Variants in DCBLD1 observed in about 807,000 individuals in gnomAD.
DCBLD1 encodes the protein discoidin, CUB and LCCL domain-containing protein 1.
A neutral mutation model predicts 71.5 loss-of-function variants in DCBLD1; 57 were observed. That is an observed-to-expected ratio of 0.80 (90% CI 0.64 to 0.99). DCBLD1 has a LOEUF of 0.99. Among genes scored for constraint, DCBLD1 ranks in the 50% least tolerant of loss-of-function variants. The probability of loss-of-function intolerance (pLI) is 0.00; values close to 1 mark genes in which losing one functional copy is unlikely to be tolerated. For synonymous variants in DCBLD1, 380 were observed against 363.8 expected (o/e 1.04, Z -0.51); for missense variants, 891 against 923.5 (o/e 0.96, Z 0.46).
chr6:117,535,494 G>T (rs1778853732), intron 6 of DCBLD1, among the ~76,000 whole-genome samples: 1 of 152,098 alleles, frequency 6.6e-6, no homozygotes, highest in Admixed American at 6.5e-5. Flanking sequence ...TTAACCTATA[G>T]AATTCTTTAA....
chr6:117,508,870 T>C (rs1376058358), intron 2 of DCBLD1, among the ~76,000 whole-genome samples: 1 of 152,182 alleles, frequency 6.6e-6, no homozygotes, highest in Admixed American at 6.5e-5. Context: ...CAAAGGAGGT[T>C]GTTCTGATGG....
intron 14 of DCBLD1, among the ~76,000 whole-genome samples, chr6:117,554,843 AG>A (rs1779476019): frequency 6.6e-6 from 1 of 151,522 alleles, no homozygotes. Context: ...CAGTGAGCCG[AG>A]ATCGAGTCAC....
chr6:117,490,204 T>C (rs1003925134), intron 1 of DCBLD1, among the ~76,000 whole-genome samples: 1 of 152,300 alleles, frequency 6.6e-6, no homozygotes, highest in South Asian at 2.1e-4. Flanking sequence ...AATTATAGAC[T>C]ATAAATAAAG....
Position 117,547,970 on chromosome 6 carries a change from C to G in DCBLD1, c.1679C>G (p.Pro560Arg). ...TVTRKGSTFR[P>R]MDTDAEEAGV... ...ACGAGGAAGGGCTCCACCTTCCGGCCCATGGACACGGATGCCGAGGAGGCA... is the reference window on the plus strand; with the variant it reads ...ACGAGGAAGGGCTCCACCTTCCGGCGCATGGACACGGATGCCGAGGAGGCA... Residue 560 changes from proline to arginine, a missense_variant, in exon 15 of 15, where the codon CCC becomes CGC. By Grantham distance (103) the Pro-to-Arg change is moderately radical (BLOSUM62 -2). Transcript: ENST00000338728. The G allele has an allele frequency of 6.4e-7, 1 of 1,550,598 alleles. No homozygotes were observed. The highest frequency in any genetic ancestry group is 8.7e-7 in the Non-Finnish European group (1 of 1,146,982).
At chr6:117,549,984 A>G (rs1583039489), downstream of DCBLD1, among the ~76,000 whole-genome samples, 1 of 152,350 alleles carries the variant, frequency 6.6e-6, no homozygotes, top group Non-Finnish European at 1.5e-5. Context: ...CGGTTTCCTC[A>G]TGTTTGAAAA....
At chr6:117,511,013 A>G (rs1391576676) in intron 2 of DCBLD1, among the ~76,000 whole-genome samples, 2 of 152,174 alleles carry the variant, frequency 1.3e-5, no homozygotes, top group African/African-American at 4.8e-5. Context: ...AAGGCCAACT[A>G]ACATGCTTGT....
At chr6:117,483,385 T>A (rs558392900) in intron 1 of DCBLD1, among the ~76,000 whole-genome samples, 1 of 152,290 alleles carries the variant, frequency 6.6e-6, no homozygotes, top group East Asian at 1.9e-4. Flanking sequence ...AATCCCGGCG[T>A]GTGCGTTCGG....
intron 2 of DCBLD1, among the ~76,000 whole-genome samples, chr6:117,515,988 A>AT (rs951838508): frequency 2.0e-4 from 31 of 152,084 alleles, no homozygotes; most frequent in African/African-American, 7.5e-4. Context: ...GGTATTACTT[A>AT]TTTTTTAATA....
chr6:117,534,194 G>A (rs1778811952), intron 6 of DCBLD1, among the ~76,000 whole-genome samples: 2 of 152,198 alleles, frequency 1.3e-5, no homozygotes, highest in South Asian at 4.1e-4. Context: ...AGATCCAAAG[G>A]TTTAGTAACA....
chr6:117,522,754 G>A (rs1161561331), intron 4 of DCBLD1, among the ~76,000 whole-genome samples: 6 of 152,106 alleles, frequency 3.9e-5, no homozygotes, highest in South Asian at 4.1e-4. Flanking sequence ...CCTAGTGCTC[G>A]ATATAGCTGT....
chr6:117,508,349 T>C (rs1777906686), intron 2 of DCBLD1, among the ~76,000 whole-genome samples: 1 of 152,194 alleles, frequency 6.6e-6, no homozygotes, highest in African/African-American at 2.4e-5. Flanking sequence ...TTTACATATA[T>C]GTGGTAAAAT....
chr6:117,528,931 C>G (rs1778627241), intron 5 of DCBLD1, among the ~76,000 whole-genome samples: 1 of 152,172 alleles, frequency 6.6e-6, no homozygotes, highest in South Asian at 2.1e-4. Flanking sequence ...AGCTCCACTT[C>G]CTGGGTTCAC....
At chr6:117,499,744 A>G (rs935659643) in intron 1 of DCBLD1, among the ~76,000 whole-genome samples, 2 of 152,188 alleles carry the variant, frequency 1.3e-5, no homozygotes, top group African/African-American at 4.8e-5. Flanking sequence ...TTTTTAAGTA[A>G]CTTTTGTCTT....
chr6:117,542,049 T>C (rs1779113551), intron 11 of DCBLD1, among the ~76,000 whole-genome samples: 1 of 152,118 alleles, frequency 6.6e-6, no homozygotes, highest in South Asian at 2.1e-4. Context: ...TCCTAGCACT[T>C]TGGGAGGCCG....
downstream of DCBLD1, among the ~76,000 whole-genome samples, chr6:117,551,690 C>A (rs1583040343): frequency 6.6e-6 from 1 of 152,148 alleles, no homozygotes; most frequent in Admixed American, 6.5e-5. Flanking sequence ...CCCTTTATTT[C>A]TTAAGACATT....
chr6:117,566,910 C>T (rs1251747920), intron 14 of DCBLD1: 1 of 1,607,770 alleles, frequency 6.2e-7, no homozygotes, highest in African/African-American at 1.3e-5. Flanking sequence ...AGGGTTACCA[C>T]CTCCTTCTAA....
intron 3 of DCBLD1, 52 bp downstream of exon 3, chr6:117,520,002 C>G: frequency 6.3e-7 from 1 of 1,595,594 alleles, no homozygotes; most frequent in Non-Finnish European, 8.6e-7. Flanking sequence ...TCTAAGAATT[C>G]CTCTTGCCAC....
chr6:117,519,776 A>G (rs757735774), intron 2 of DCBLD1, 40 bp from the exon 3 acceptor site: 4 of 1,589,608 alleles, frequency 2.5e-6, no homozygotes, highest in Admixed American at 1.7e-5. Context: ...TTGTGCTGGT[A>G]TAAATTTTGA....
intron 4 of DCBLD1, among the ~76,000 whole-genome samples, chr6:117,523,293 C>G (rs1278134835): frequency 6.6e-6 from 1 of 152,170 alleles, no homozygotes; most frequent in African/African-American, 2.4e-5. Flanking sequence ...TACAGGTCCA[C>G]AAGCCCTCAT....
Sources: gnomAD v4.1 joint callset for allele counts (sites outside exome capture counted in the v4.1 genomes callset) on GRCh38, gnomAD v4.1.1 for gene constraint, MANE v1.5 for transcripts, NCBI Gene and HGNC (gene_info 2026-07-23, HGNC 2026-07-21) for gene names.